Variants in NR3C2 observed in about 807,000 individuals in gnomAD.
The protein encoded by NR3C2 is mineralocorticoid receptor.
A neutral mutation model predicts 86.4 loss-of-function variants in NR3C2; 15 were observed. That is an observed-to-expected ratio of 0.17 (90% CI 0.12 to 0.27). The LOEUF is 0.27. Among genes scored for constraint, NR3C2 ranks in the 10% least tolerant of loss-of-function variants. The probability of loss-of-function intolerance (pLI) is 1.00; values close to 1 mark genes in which losing one functional copy is unlikely to be tolerated. For missense variants in NR3C2, 960 were observed against 1,195.6 expected, an observed-to-expected ratio of 0.80 and a Z score of 2.91; for synonymous variants, 458 against 450.5, an observed-to-expected ratio of 1.02 and a Z score of -0.21.
chr4:148,245,234 C>T (rs1739261378), intron 3 of NR3C2, among the ~76,000 whole-genome samples: 2 of 152,270 alleles, frequency 1.3e-5, no homozygotes, highest in South Asian at 4.1e-4. Flanking sequence ...GTGCCAGGTA[C>T]TTGGCACACA....
intron 5 of NR3C2, among the ~76,000 whole-genome samples, chr4:148,153,054 A>G (rs533591264): frequency 6.6e-6 from 1 of 152,334 alleles, no homozygotes; most frequent in South Asian, 2.1e-4. Context: ...TGTGGTGCTT[A>G]AAAAATGAGC....
At chr4:148,217,644 A>G (rs934605160) in intron 3 of NR3C2, among the ~76,000 whole-genome samples, 7 of 152,052 alleles carry the variant, frequency 4.6e-5, no homozygotes, top group African/African-American at 1.7e-4. Flanking sequence ...CTGTCTTTTG[A>G]CCCCAGTTGA....
At chr4:148,094,962 T>C (rs9992738) in intron 8 of NR3C2, among the ~76,000 whole-genome samples, 35,065 of 151,958 alleles carry the variant, frequency 0.23, 4,920 homozygotes, top group African/African-American at 0.39. Context: ...ACAAATACTA[T>C]ATGATTCCAC....
In NR3C2 at chr4:148,112,348, A is replaced by G. The variant is rs180971025; in HGVS notation, c.2799+1756T>C. Among the ~76,000 whole-genome samples the G allele has an allele frequency of 1.6e-3, 240 of 152,368 alleles. 2 individuals carry two copies. The highest frequency in any genetic ancestry group is 2.5e-3 in the Non-Finnish European group (169 of 68,034). On this transcript the variant is annotated intron_variant, in intron 8 of 8. Transcript: ENST00000358102. ...ACTTGTGCCTAACTGTACAAATAAG[A>G]GAACTTACGAAAGAACCACAAAACC...
intron 2 of NR3C2, among the ~76,000 whole-genome samples, chr4:148,304,333 T>TA (rs1260716317): frequency 7.2e-6 from 1 of 139,380 alleles, no homozygotes; most frequent in Admixed American, 7.2e-5. Context: ...TGTTGCTTTT[T>TA]TTTTTTTTTT....
chr4:148,370,998 C>G (rs1746389297), intron 2 of NR3C2, among the ~76,000 whole-genome samples: 1 of 152,194 alleles, frequency 6.6e-6, no homozygotes, highest in Non-Finnish European at 1.5e-5. Context: ...TCCCAAGTAG[C>G]TGGGACTACA....
intron 3 of NR3C2, among the ~76,000 whole-genome samples, chr4:148,219,480 G>T (rs1737718811): frequency 1.3e-5 from 2 of 152,240 alleles, no homozygotes; most frequent in South Asian, 4.1e-4. Flanking sequence ...CTGTTATGGG[G>T]GTTCAAGAAG....
chr4:148,214,322 A>G (rs892401296), intron 3 of NR3C2, among the ~76,000 whole-genome samples: 4 of 152,180 alleles, frequency 2.6e-5, no homozygotes, highest in Non-Finnish European at 5.9e-5. Context: ...CAGTCTACAT[A>G]CCATATTGTC....
At chr4:148,228,602 A>C (rs1184328232) in intron 3 of NR3C2, among the ~76,000 whole-genome samples, 2 of 152,164 alleles carry the variant, frequency 1.3e-5, no homozygotes, top group Non-Finnish European at 2.9e-5. Context: ...TATTTTCTTC[A>C]GCCTATGACT....
At chr4:148,275,709 C>T (rs775117289) in intron 2 of NR3C2, among the ~76,000 whole-genome samples, 2 of 151,986 alleles carry the variant, frequency 1.3e-5, no homozygotes, top group African/African-American at 2.4e-5. Context: ...GGATTACAGG[C>T]GTGAGCCACA....
At chr4:148,150,634 G>T (rs776951663) in intron 6 of NR3C2, among the ~76,000 whole-genome samples, 10 of 152,196 alleles carry the variant, frequency 6.6e-5, no homozygotes, top group Non-Finnish European at 1.5e-4. Context: ...GTGGTCCCTT[G>T]TGTGAGCTCA....
At chr4:148,296,798 G>A (rs1456957949) in intron 2 of NR3C2, among the ~76,000 whole-genome samples, 1 of 152,046 alleles carries the variant, frequency 6.6e-6, no homozygotes, top group Non-Finnish European at 1.5e-5. Flanking sequence ...CAATACTCAG[G>A]ATTTTTGTTT....
intron 4 of NR3C2, among the ~76,000 whole-genome samples, chr4:148,186,698 G>A (rs2149795349): frequency 6.6e-6 from 1 of 151,682 alleles, no homozygotes; most frequent in Middle Eastern, 3.4e-3. Context: ...TGAGATTTTG[G>A]TGCACCCATC....
Position 148,424,868 on chromosome 4 carries a change from T to C in NR3C2, c.1757+10236A>G, listed in dbSNP as rs566124136. 7.9e-5 allele frequency among the ~76,000 whole-genome samples: 12 copies of C among 152,270 alleles called. No homozygotes were observed. The South Asian group carries it at 2.5e-3, about 32-fold the overall frequency. On this transcript the variant is annotated intron_variant, in intron 2 of 8. Coordinates refer to ENST00000358102, the MANE Select transcript of NR3C2 (RefSeq NM_000901.5). The stretch of plus-strand genomic sequence containing the variant: ...ACAAGACTACACATTTCACAAAACA[T>C]GTAGAACTGAACACCAAAAAGAGTG...
chr4:148,231,600 G>A (rs371052354), intron 3 of NR3C2, among the ~76,000 whole-genome samples: 4 of 152,166 alleles, frequency 2.6e-5, no homozygotes, highest in African/African-American at 7.2e-5. Flanking sequence ...GTCTTGCCTC[G>A]ATGTTGATGG....
At position 148,188,670 on chromosome 4, in the gene NR3C2, A is replaced by G. The variant is rs1345083200; in HGVS notation, c.2014+6076T>C. ...GGTTTTCAAGGTCAACGATCATATCATCAGCAAACAGTGACAGTCTGACTT... is the reference window on the plus strand; with the variant it reads ...GGTTTTCAAGGTCAACGATCATATCGTCAGCAAACAGTGACAGTCTGACTT... On this transcript the variant is annotated intron_variant, in intron 4 of 8. Coordinates refer to ENST00000358102, the MANE Select transcript of NR3C2 (RefSeq NM_000901.5). Among the ~76,000 whole-genome samples the G allele has an allele frequency of 9.9e-5, 15 of 152,114 alleles. 1 individual carries two copies. The highest frequency in any genetic ancestry group is 9.8e-4 in the Admixed American group (15 of 15,260).
intron 2 of NR3C2, among the ~76,000 whole-genome samples, chr4:148,410,471 A>G (rs772375623): frequency 8.5e-5 from 13 of 152,230 alleles, no homozygotes; most frequent in Non-Finnish European, 1.8e-4. Flanking sequence ...TAGATAAGCA[A>G]TAACAGTAGT....
At chr4:148,134,877 G>C (rs982788183) in intron 6 of NR3C2, among the ~76,000 whole-genome samples, 1 of 150,912 alleles carries the variant, frequency 6.6e-6, no homozygotes, top group Non-Finnish European at 1.5e-5. Flanking sequence ...GGCTGGTCTC[G>C]AACTCCTGAC....
At chr4:148,212,663 G>A (rs574220505) in intron 3 of NR3C2, among the ~76,000 whole-genome samples, 61 of 152,306 alleles carry the variant, frequency 4.0e-4, no homozygotes, top group Middle Eastern at 3.4e-3. Flanking sequence ...AAGTAAATGA[G>A]ATGTTCCTTT....
Sources: gnomAD v4.1 joint callset for allele counts (sites outside exome capture counted in the v4.1 genomes callset) on GRCh38, gnomAD v4.1.1 for gene constraint, MANE v1.5 for transcripts, NCBI Gene and HGNC (gene_info 2026-07-23, HGNC 2026-07-21) for gene names.